Variants in SYT14 observed in about 807,000 individuals in gnomAD.
The protein encoded by SYT14 is synaptotagmin 14, also known as synaptotagmin-14.
SYT14 carries 32 observed loss-of-function variants against 74.2 expected under a neutral mutation model. The ratio of observed to expected loss-of-function variants is 0.43; its 90% confidence interval spans 0.33 to 0.58. The LOEUF (loss-of-function observed/expected upper bound fraction) is 0.58. SYT14 is among the 20% of genes least tolerant of loss of function. The probability of loss-of-function intolerance (pLI) is 0.05; values close to 1 mark genes in which losing one functional copy is unlikely to be tolerated. For synonymous variants in SYT14, 298 were observed against 337.7 expected (o/e 0.88, Z 1.29); for missense variants, 791 against 981.8 (o/e 0.81, Z 2.60).
At chr1:210,097,855 T>C (rs948494079) in intron 6 of SYT14, among the ~76,000 whole-genome samples, 7 of 152,170 alleles carry the variant, frequency 4.6e-5, no homozygotes, top group African/African-American at 1.7e-4. Flanking sequence ...CCTGCATACA[T>C]TATACCAACT....
Position 210,024,603 on chromosome 1 carries a change from A to G in SYT14, c.1312+3349A>G, listed in dbSNP as rs187866272. Among the ~76,000 whole-genome samples, 101 of 152,298 alleles carry G rather than the reference A, an allele frequency of 6.6e-4. 4 individuals are homozygous for G. In the East Asian group the frequency reaches 0.014, roughly 22 times the overall value. ...CATATGTGATGAGGCAGGATATTTA[A>G]GCAGTTGGAAAGGGCTGTCAAGCTT... On this transcript the variant is annotated intron_variant, in intron 5 of 9. Coordinates refer to ENST00000637265, the Ensembl canonical transcript of SYT14.
chr1:210,171,268 G>A (rs1353505955), exon 10 of SYT14: 8 of 152,098 alleles, frequency 5.3e-5, no homozygotes, highest in African/African-American at 1.9e-4. Flanking sequence ...GAATTTAAAC[G>A]TTTGGTGCTC....
At chr1:210,008,215 G>A (rs945555776) in intron 2 of SYT14, among the ~76,000 whole-genome samples, 1 of 152,040 alleles carries the variant, frequency 6.6e-6, no homozygotes, top group Non-Finnish European at 1.5e-5. Flanking sequence ...AGTTGGTCTT[G>A]GTTTTGTTGT....
intron 7 of SYT14, among the ~76,000 whole-genome samples, chr1:210,112,147 C>A (rs758583869): frequency 6.6e-6 from 1 of 151,210 alleles, no homozygotes; most frequent in Non-Finnish European, 1.5e-5. Context: ...TGGGAAAGGC[C>A]TCTACCCATC....
intron 2 of SYT14, among the ~76,000 whole-genome samples, chr1:209,982,277 C>T (rs1375651076): frequency 6.6e-6 from 1 of 152,024 alleles, no homozygotes; most frequent in Non-Finnish European, 1.5e-5. Flanking sequence ...CACCTCAGCC[C>T]CCAGAGTAGC....
chr1:209,995,248 A>G (rs768409287), intron 2 of SYT14, among the ~76,000 whole-genome samples: 2 of 152,180 alleles, frequency 1.3e-5, no homozygotes, highest in Non-Finnish European at 2.9e-5. Flanking sequence ...CAACAGAACC[A>G]TCTCACCTCT....
chr1:209,979,008 C>A (rs777374641), intron 2 of SYT14, among the ~76,000 whole-genome samples: 2 of 152,188 alleles, frequency 1.3e-5, no homozygotes, highest in Admixed American at 6.5e-5. Context: ...CCGAGCCAGG[C>A]GCGGGATATA....
chr1:209,998,560 A>G (rs1323782098), intron 2 of SYT14, among the ~76,000 whole-genome samples: 3 of 152,154 alleles, frequency 2.0e-5, no homozygotes, highest in Non-Finnish European at 4.4e-5. Flanking sequence ...ATACAAGGCT[A>G]TAGTAACAGA....
intron 7 of SYT14, among the ~76,000 whole-genome samples, chr1:210,128,282 T>C (rs970571300): frequency 1.3e-5 from 2 of 150,926 alleles, no homozygotes; most frequent in African/African-American, 4.9e-5. Flanking sequence ...GAGGCTGAGG[T>C]GGGAGGATTG....
intron 7 of SYT14, among the ~76,000 whole-genome samples, chr1:210,153,445 T>C (rs2083207786): frequency 1.3e-5 from 2 of 152,236 alleles, no homozygotes; most frequent in Non-Finnish European, 2.9e-5. Flanking sequence ...TAGTACTTTT[T>C]GGTTTCTCCC....
intron 7 of SYT14, among the ~76,000 whole-genome samples, chr1:210,132,570 TGTGTG>T (rs1558211509): frequency 1.6e-4 from 22 of 139,538 alleles, no homozygotes; most frequent in African/African-American, 6.2e-4. Flanking sequence ...TTATATATTG[TGTGTG>T]TGTGTGTGTG....
At chr1:210,109,520 G>A (rs549096459) in intron 7 of SYT14, among the ~76,000 whole-genome samples, 3 of 150,716 alleles carry the variant, frequency 2.0e-5, no homozygotes, top group South Asian at 4.3e-4. Flanking sequence ...GGAGGTTGCA[G>A]TGAGCCAAGA....
chr1:209,969,162 T>A (rs932978768), intron 2 of SYT14, among the ~76,000 whole-genome samples: 2 of 152,144 alleles, frequency 1.3e-5, no homozygotes, highest in African/African-American at 4.8e-5. Flanking sequence ...GGCACCTAGG[T>A]TGATTCCATG....
rs538124216 is a variant in SYT14 at position 210,007,916 on chromosome 1, A to G, written c.-485-5717A>G. ...TAAATTGTCTTGAGTGTTAAATTTT[A>G]AAATGAAAGCAATTACAACAATATC... On this transcript the variant is annotated intron_variant, in intron 2 of 9. Coordinates refer to ENST00000637265, the Ensembl canonical transcript of SYT14. Among the ~76,000 whole-genome samples, 10 of 152,340 alleles carry G rather than the reference A, an allele frequency of 6.6e-5. No homozygotes were observed. In the South Asian group the frequency reaches 2.1e-3, roughly 32 times the overall value.
chr1:210,127,679 T>C (rs2082594266), intron 7 of SYT14, among the ~76,000 whole-genome samples: 1 of 152,158 alleles, frequency 6.6e-6, no homozygotes, highest in Admixed American at 6.5e-5. Flanking sequence ...ATGAATAATT[T>C]CTCCTTTAAG....
At chr1:210,023,593 C>T (rs35256257) in intron 5 of SYT14, among the ~76,000 whole-genome samples, 34,309 of 152,082 alleles carry the variant, frequency 0.23, 4,156 homozygotes, top group Middle Eastern at 0.3. Context: ...CTGCCCGCCT[C>T]GGCCTCCCAA....
intron 6 of SYT14, among the ~76,000 whole-genome samples, chr1:210,098,375 C>A (rs1015978642): frequency 6.6e-6 from 1 of 152,112 alleles, no homozygotes; most frequent in Non-Finnish European, 1.5e-5. Flanking sequence ...TTTTGTTTAA[C>A]AACAGTGCAG....
chr1:209,941,426 CATT>C (rs1445072607), intron 1 of SYT14, among the ~76,000 whole-genome samples: 11 of 152,316 alleles, frequency 7.2e-5, no homozygotes, highest in African/African-American at 1.7e-4. Context: ...GGTTGGGAAT[CATT>C]GTTGTAGCCT....
chr1:209,943,131 T>C (rs1274005572), intron 1 of SYT14, among the ~76,000 whole-genome samples: 4 of 152,208 alleles, frequency 2.6e-5, no homozygotes, highest in African/African-American at 9.6e-5. Flanking sequence ...TTTTGAATAA[T>C]TTACAGTTTA....
Sources: gnomAD v4.1 joint callset for allele counts (sites outside exome capture counted in the v4.1 genomes callset) on GRCh38, gnomAD v4.1.1 for gene constraint, MANE v1.5 for transcripts, NCBI Gene and HGNC (gene_info 2026-07-23, HGNC 2026-07-21) for gene names.